SH2B2: variants seen among roughly 807,000 people sequenced by gnomAD.
SH2B2 encodes the protein SH2B adaptor protein 2, also known as SH2B adapter protein 2.
In SH2B2, 37 loss-of-function variants were observed where a neutral mutation model predicts 35.7. That is an observed-to-expected ratio of 1.04 (90% CI 0.80 to 1.36). The LOEUF is 1.36. Ranked by LOEUF, SH2B2 falls within the 40% of genes most tolerant of loss-of-function variation. The pLI is 0.00. For synonymous variants in SH2B2, 383 were observed against 376.4 expected (o/e 1.02, Z -0.20); for missense variants, 852 against 817.7 (o/e 1.04, Z -0.51).
chr7:102,315,247 G>T (rs1447765239), intron 6 of SH2B2, among the ~76,000 whole-genome samples: 4 of 152,052 alleles, frequency 2.6e-5, no homozygotes, highest in African/African-American at 9.7e-5. Context: ...TCTCACACCT[G>T]TAATCCCAGC....
Position 102,317,329 on chromosome 7 carries a change from G to C in SH2B2, c.1329G>C (p.Val443=), listed in dbSNP as rs782395940. The change falls in exon 7 of 9, where the codon GTG becomes GTC. Residue 443 remains valine (V), a synonymous_variant. Transcript: ENST00000444095. ...AGGPRNHGLF[V]IRQSETRPGE... is the part of the protein sequence containing the mutation. Reference sequence around the variant, plus strand: ...GGCCCCGGAACCACGGCCTCTTCGTGATCCGCCAAAGTGAGACTCGGCCTG... The same window carrying C: ...GGCCCCGGAACCACGGCCTCTTCGTCATCCGCCAAAGTGAGACTCGGCCTG... 1.2e-6 allele frequency: 2 copies of C among 1,612,750 alleles called. No individual in the cohort carries two copies. Among genetic ancestry groups the C allele is most frequent in the Admixed American group, 3.3e-5 (2 of 59,980 alleles).
rs141495421 is a variant in SH2B2 at position 102,318,602 on chromosome 7, G to A, written c.1395+1207G>A. On this transcript the variant is annotated intron_variant, in intron 7 of 8. Transcript: ENST00000444095. The stretch of plus-strand genomic sequence containing the variant: ...CTCCTGCCAGGACGGATTTCCTGGC[G>A]GCCCCTACTAGAGGAGGGAGAACCT... Among the ~76,000 whole-genome samples the A allele has an allele frequency of 8.2e-3, 1,242 of 152,248 alleles. 9 individuals carry two copies. The highest frequency in any genetic ancestry group is 0.012 in the Non-Finnish European group (840 of 67,998).
At chr7:102,288,974 T>C (rs1002910438) in intron 1 of SH2B2, among the ~76,000 whole-genome samples, 4 of 152,198 alleles carry the variant, frequency 2.6e-5, no homozygotes, top group Admixed American at 6.5e-5. Context: ...CGCTCATTCT[T>C]ACTGTCCAAG....
At chr7:102,301,970 G>C (rs1441348182) in intron 2 of SH2B2, among the ~76,000 whole-genome samples, 2 of 152,152 alleles carry the variant, frequency 1.3e-5, no homozygotes, top group African/African-American at 4.8e-5. Context: ...GGCTCAAGCA[G>C]TCCTTTCTTA....
upstream of SH2B2, among the ~76,000 whole-genome samples, chr7:102,286,729 C>T (rs1372919236): frequency 2.3e-5 from 3 of 133,104 alleles, no homozygotes; most frequent in Non-Finnish European, 4.8e-5. Flanking sequence ...CGCGGATGGC[C>T]GGGGGCGGGG....
chr7:102,317,186 G>T lies in SH2B2; in HGVS notation c.1187-1G>T. On this transcript the variant is annotated splice_acceptor_variant, in intron 6 of 8. Transcript: ENST00000444095. LOFTEE classifies it high-confidence loss of function. Reference sequence around the variant, plus strand: ...TCCTCACACTGTCATCCCCACCTCAGGGGAACAGGGTGCAGAGACGGATCC... The same window carrying T: ...TCCTCACACTGTCATCCCCACCTCATGGGAACAGGGTGCAGAGACGGATCC... 1 of 1,592,082 alleles carries T rather than the reference G, an allele frequency of 6.3e-7. No homozygotes were observed. Among genetic ancestry groups the T allele is most frequent in the Non-Finnish European group, 8.6e-7 (1 of 1,168,056 alleles).
rs1184245779 is a variant in SH2B2, at chr7:102,321,574, C to T, written c.1843C>T (p.Pro615Ser). The T allele has an allele frequency of 8.6e-7, 1 of 1,159,856 alleles. No homozygotes were observed. Among genetic ancestry groups the T allele is most frequent in the African/African-American group, 1.6e-5 (1 of 61,410 alleles). The allele number at this position is 1,159,856 out of a possible 1,614,324, so 71.8% of individuals were successfully genotyped here. ...GGCCGCCACCGCCGCCGAGGAGCCCCCGGAGGCCGCGCCCGGCCGCGCGCG... is the reference window on the plus strand; with the variant it reads ...GGCCGCCACCGCCGCCGAGGAGCCCTCGGAGGCCGCGCCCGGCCGCGCGCG... ...AVAATAAEEP[P>S]EAAPGRARAV... Residue 615 changes from proline to serine, a missense_variant, in exon 9 of 9, where the codon CCG (proline) becomes TCG (serine). Coordinates refer to ENST00000444095, the MANE Select transcript of SH2B2 (RefSeq NM_001359228.2).
At chr7:102,310,350 G>T (rs1334739638) in intron 4 of SH2B2, among the ~76,000 whole-genome samples, 1 of 152,170 alleles carries the variant, frequency 6.6e-6, no homozygotes, top group African/African-American at 2.4e-5. Flanking sequence ...AGGTGTGCAA[G>T]TGTACAAGCA....
chr7:102,306,485 A>G (rs1270261177), intron 2 of SH2B2, among the ~76,000 whole-genome samples: 1 of 152,170 alleles, frequency 6.6e-6, no homozygotes, highest in Non-Finnish European at 1.5e-5. Flanking sequence ...CGGCCTCCCA[A>G]AGTGCTAGGA....
intron 3 of SH2B2, among the ~76,000 whole-genome samples, chr7:102,307,919 C>T (rs765495148): frequency 2.6e-5 from 4 of 152,088 alleles, no homozygotes; most frequent in East Asian, 1.9e-4. Flanking sequence ...CAAAGGCACA[C>T]GCCACCATGC....
rs781964919 is a variant in SH2B2 at position 102,317,209 on chromosome 7, T to A, written c.1209T>A (p.Asp403Glu). 1.1e-5 allele frequency: 17 copies of A among 1,607,014 alleles called. No homozygotes were observed. The Admixed American group carries it at 2.9e-4, about 27-fold the overall frequency. The change falls in exon 7 of 9, where the codon GAT becomes GAA. Residue 403 changes from aspartate to glutamate, a missense_variant. Physicochemically the swap from Asp to Glu is conservative, Grantham distance 45. Around this residue, in one of 3 missense-constraint regions of SH2B2, gnomAD observed 556 missense variants for 514.5 expected, o/e 1.08. Transcript: ENST00000444095. Reference sequence around the variant, plus strand: ...CAGGGGAACAGGGTGCAGAGACGGATCCCGAGGCTGAACCCGAGCTGGAGC... The same window carrying A: ...CAGGGGAACAGGGTGCAGAGACGGAACCCGAGGCTGAACCCGAGCTGGAGC... ...NNTGEQGAET[D>E]PEAEPELELS...
chr7:102,302,376 C>T (rs1004573253), intron 2 of SH2B2, among the ~76,000 whole-genome samples: 2 of 152,230 alleles, frequency 1.3e-5, no homozygotes, highest in Non-Finnish European at 2.9e-5. Context: ...CCAGCCCCTG[C>T]CCAGGGGGTC....
chr7:102,312,022 G>C (rs559495986), intron 4 of SH2B2, among the ~76,000 whole-genome samples: 1 of 150,742 alleles, frequency 6.6e-6, no homozygotes, highest in East Asian at 2.0e-4. Context: ...AGGTTGCAGT[G>C]AGCTGAGATT....
intron 7 of SH2B2, 125 bp from the exon 8 acceptor site, chr7:102,320,206 C>T (rs1435493098): frequency 5.2e-6 from 4 of 774,288 alleles, no homozygotes; most frequent in South Asian, 1.8e-5. Flanking sequence ...GTGTGAGGGG[C>T]CCCCGGCCCT....
intron 1 of SH2B2, among the ~76,000 whole-genome samples, chr7:102,298,972 G>T (rs1554553002): frequency 7.2e-6 from 1 of 138,626 alleles, no homozygotes; most frequent in African/African-American, 2.7e-5. Flanking sequence ...CAAGGCTGGA[G>T]TGCAGTGGCG....
chr7:102,321,403 G>A lies in SH2B2; in HGVS notation c.1672G>A (p.Ala558Thr). The change falls in exon 9 of 9, where the codon GCC becomes ACC. Residue 558 changes from alanine to threonine, a missense_variant. By Grantham distance (58) the Ala-to-Thr change is moderately conservative. This residue lies in a region of SH2B2 where 556 missense variants were observed against 514.5 expected (regional missense o/e 1.08). Transcript: ENST00000444095. ...CCTCGCCGCGGCCGCCTGCCCGCCTGCCTCGCCCTCCGACGCCGCCGGCGC... is the reference window on the plus strand; with the variant it reads ...CCTCGCCGCGGCCGCCTGCCCGCCTACCTCGCCCTCCGACGCCGCCGGCGC... ...SSLAAAACPP[A>T]SPSDAAGASS... 1 of 1,367,682 alleles carries A rather than the reference G, an allele frequency of 7.3e-7. No individual in the cohort carries two copies. The highest frequency in any genetic ancestry group is 3.3e-5 in the East Asian group (1 of 30,538). The allele number at this position is 1,367,682 out of a possible 1,614,324, so 84.7% of individuals were successfully genotyped here.
At chr7:102,312,789 A>G (rs1586597363) in intron 4 of SH2B2, among the ~76,000 whole-genome samples, 1 of 151,452 alleles carries the variant, frequency 6.6e-6, no homozygotes, top group African/African-American at 2.4e-5. Flanking sequence ...GACTCCATTG[A>G]CCCTCCTGCC....
chr7:102,321,488 T>C lies in SH2B2; in HGVS notation c.1757T>C (p.Val586Ala). 8.5e-7 allele frequency: 1 copy of C among 1,174,242 alleles called. No individual in the cohort carries two copies. The highest frequency in any genetic ancestry group is 1.1e-6 in the Non-Finnish European group (1 of 949,700). 72.7% of individuals were successfully genotyped at this position (1,174,242 alleles called of 1,614,324 possible). A position where few individuals can be genotyped will look rare whatever the true frequency, so the allele number is the denominator to read the frequency against. Residue 586 changes from valine to alanine, a missense_variant, in exon 9 of 9, where the codon GTC (valine) becomes GCC (alanine). Physicochemically the swap from Val to Ala is moderately conservative, Grantham distance 64. Around this residue, in one of 3 missense-constraint regions of SH2B2, gnomAD observed 556 missense variants for 514.5 expected, o/e 1.08. Coordinates refer to ENST00000444095, the MANE Select transcript of SH2B2 (RefSeq NM_001359228.2). Reference protein sequence around the residue: ...AASGPAPPRPVEGQLSARSRS... With the variant: ...AASGPAPPRPAEGQLSARSRS... ...TCGGGGCCCGCCCCCCCGCGCCCCG[T>C]CGAGGGCCAGCTCAGCGCGCGGAGC...
chr7:102,310,772 A>G (rs1312815227), intron 4 of SH2B2, among the ~76,000 whole-genome samples: 1 of 151,904 alleles, frequency 6.6e-6, no homozygotes, highest in African/African-American at 2.4e-5. Context: ...TGCTCTGCAA[A>G]CTCTTTCCCC....
Sources: gnomAD v4.1 joint callset for allele counts (sites outside exome capture counted in the v4.1 genomes callset) on GRCh38, gnomAD v4.1.1 for gene constraint, gnomAD v4.1.1 regional missense constraint, MANE v1.5 for transcripts, NCBI Gene and HGNC (gene_info 2026-07-23, HGNC 2026-07-21) for gene names.